Variants in SNX29 observed in about 807,000 individuals in gnomAD.
SNX29 encodes sorting nexin-29.
A neutral mutation model predicts 102.1 loss-of-function variants in SNX29; 78 were observed. The ratio of observed to expected loss-of-function variants is 0.76; its 90% CI spans 0.64 to 0.92. The LOEUF is 0.92. Ranked by LOEUF, SNX29 falls within the 40% of genes least tolerant of loss-of-function variation. The probability of loss-of-function intolerance (pLI) is 0.00; values close to 1 mark genes in which losing one functional copy is unlikely to be tolerated. For synonymous variants in SNX29, 580 were observed against 414.5 expected (o/e 1.40, Z -4.85); for missense variants, 1,280 against 1,061.7 (o/e 1.21, Z -2.86).
intron 4 of SNX29, among the ~76,000 whole-genome samples, chr16:12,039,184 C>G (rs1275445803): frequency 1.3e-5 from 2 of 152,258 alleles, no homozygotes; most frequent in Admixed American, 6.5e-5. Context: ...CGAATGCCCT[C>G]TGCTATGAAG....
At chr16:12,509,769 A>C (rs1397620494) in intron 19 of SNX29, among the ~76,000 whole-genome samples, 2 of 152,134 alleles carry the variant, frequency 1.3e-5, no homozygotes, top group African/African-American at 2.4e-5. Context: ...TCCATGAACC[A>C]ATGAATGAAT....
intron 4 of SNX29, among the ~76,000 whole-genome samples, chr16:12,030,699 C>T (rs1299261713): frequency 6.6e-6 from 1 of 152,196 alleles, no homozygotes; most frequent in Non-Finnish European, 1.5e-5. Context: ...TTCCCCGTAA[C>T]CCCACTAACT....
At chr16:12,333,340 C>G (rs866458301) in intron 15 of SNX29, among the ~76,000 whole-genome samples, 2 of 151,784 alleles carry the variant, frequency 1.3e-5, no homozygotes, top group African/African-American at 4.8e-5. Context: ...CTCCTGACCT[C>G]GTGATCTGCC....
chr16:12,505,230 TCTGTTCAGG>T (rs1276574155), intron 19 of SNX29, among the ~76,000 whole-genome samples: 1 of 152,238 alleles, frequency 6.6e-6, no homozygotes, highest in African/African-American at 2.4e-5. Context: ...GGTGTCTTAG[TCTGTTCAGG>T]CTGCTGTGAG....
At chr16:12,143,946 T>C (rs1263179586) in intron 13 of SNX29, among the ~76,000 whole-genome samples, 1 of 152,210 alleles carries the variant, frequency 6.6e-6, no homozygotes, top group East Asian at 1.9e-4. Context: ...AATTCCAGTG[T>C]GCAGTCAAGG....
chr16:12,047,485 T>A (rs543848381), intron 6 of SNX29, among the ~76,000 whole-genome samples: 1 of 152,274 alleles, frequency 6.6e-6, no homozygotes, highest in African/African-American at 2.4e-5. Flanking sequence ...CTGTCCACAG[T>A]AATGATGATG....
chr16:12,545,901 G>C (rs2077577145), intron 20 of SNX29, among the ~76,000 whole-genome samples: 1 of 152,284 alleles, frequency 6.6e-6, no homozygotes, highest in Middle Eastern at 3.4e-3. Flanking sequence ...GGGGTACCTG[G>C]AGCATTCTAG....
chr16:12,551,285 A>T (rs1333617707), intron 20 of SNX29, among the ~76,000 whole-genome samples: 1 of 152,190 alleles, frequency 6.6e-6, no homozygotes, highest in Non-Finnish European at 1.5e-5. Context: ...TCAAATGTTT[A>T]ACCAGTTTGT....
chr16:12,137,612 G>A (rs1439378747), intron 13 of SNX29, among the ~76,000 whole-genome samples: 1 of 152,148 alleles, frequency 6.6e-6, no homozygotes, highest in African/African-American at 2.4e-5. Flanking sequence ...TTCTATGAAG[G>A]CTTTAAATCT....
rs187029718 is a variant in SNX29 at position 12,472,350 on chromosome 16, G to A, written c.2038-5369G>A. On this transcript the variant is annotated intron_variant, in intron 18 of 20. Coordinates refer to ENST00000566228, the MANE Select transcript of SNX29 (RefSeq NM_032167.5). The stretch of plus-strand genomic sequence containing the variant: ...AGCCTGGCCAACATGGTGAAACCCC[G>A]TCTCTACAAAAATACAAAAATTAGC... 1.7e-3 allele frequency among the ~76,000 whole-genome samples: 260 copies of A among 152,008 alleles called. 1 individual carries two copies. The highest frequency in any genetic ancestry group is 6.1e-3 in the African/African-American group (254 of 41,476).
chr16:12,420,388 G>C (rs115884288), intron 18 of SNX29, among the ~76,000 whole-genome samples: 1,735 of 152,286 alleles, frequency 0.011, 42 homozygotes, highest in African/African-American at 0.039. Context: ...GCCTGTCTCA[G>C]AATCAGTAAA....
intron 14 of SNX29, among the ~76,000 whole-genome samples, chr16:12,229,309 A>T (rs1473134449): frequency 6.6e-6 from 1 of 152,288 alleles, no homozygotes; most frequent in African/African-American, 2.4e-5. Context: ...TATGATTTGG[A>T]TGTGTGCATG....
chr16:12,539,142 C>A (rs149889649), intron 20 of SNX29, among the ~76,000 whole-genome samples: 29 of 152,266 alleles, frequency 1.9e-4, no homozygotes, highest in African/African-American at 7.0e-4. Flanking sequence ...TTACACAGTG[C>A]AATTGACTTT....
chr16:12,336,445 G>T (rs545525157), intron 15 of SNX29, among the ~76,000 whole-genome samples: 106 of 152,308 alleles, frequency 7.0e-4, no homozygotes, highest in African/African-American at 2.4e-3. Context: ...GTGTTGGCAC[G>T]TTTCACTGGA....
chr16:12,022,474 T>C (rs1460090041), intron 3 of SNX29, among the ~76,000 whole-genome samples: 1 of 152,186 alleles, frequency 6.6e-6, no homozygotes, highest in Non-Finnish European at 1.5e-5. Context: ...GTGTTGGGAT[T>C]ACAGGCATGA....
chr16:12,051,920 T>G lies in SNX29; in HGVS notation c.822T>G (p.Asp274Glu). 1 of 1,613,594 alleles carries G rather than the reference T, an allele frequency of 6.2e-7. No individual in the cohort carries two copies. Among genetic ancestry groups the G allele is most frequent in the East Asian group, 2.2e-5 (1 of 44,854 alleles). ...TAATCTCATTTGATGATGAGGAAGA[T>G]GAGCAGAACTCTGGGGACGTGTTTA... ...TNIISFDDEEDEQNSGDVFKK... is the reference protein window; with the variant it reads ...TNIISFDDEEEEQNSGDVFKK... Residue 274 changes from aspartate (D) to glutamate (E), a missense_variant, in exon 8 of 21, where the codon GAT becomes GAG. Coordinates refer to ENST00000566228, the MANE Select transcript of SNX29 (RefSeq NM_032167.5).
At chr16:12,568,186 G>C (rs896217625) in intron 20 of SNX29, among the ~76,000 whole-genome samples, 4 of 151,986 alleles carry the variant, frequency 2.6e-5, no homozygotes, top group African/African-American at 9.7e-5. Context: ...AGGAAAATGT[G>C]GGGAAGAAAG....
chr16:12,566,649 G>C (rs960060280), intron 20 of SNX29, among the ~76,000 whole-genome samples: 3 of 152,168 alleles, frequency 2.0e-5, no homozygotes, highest in Non-Finnish European at 4.4e-5. Flanking sequence ...CAGCATCTTT[G>C]AACCATCCTC....
intron 3 of SNX29, among the ~76,000 whole-genome samples, chr16:12,020,711 C>G (rs1460167454): frequency 6.6e-6 from 1 of 151,992 alleles, no homozygotes; most frequent in Non-Finnish European, 1.5e-5. Context: ...GCAACCTCCC[C>G]CTCCTGGGTT....
Sources: gnomAD v4.1 joint callset for allele counts (sites outside exome capture counted in the v4.1 genomes callset) on GRCh38, gnomAD v4.1.1 for gene constraint, MANE v1.5 for transcripts, NCBI Gene and HGNC (gene_info 2026-07-23, HGNC 2026-07-21) for gene names.